Variants in PRELID2 observed in about 807,000 individuals in gnomAD.
The protein encoded by PRELID2 is PRELI domain-containing protein 2.
PRELID2 carries 25 observed loss-of-function variants against 28.4 expected under a neutral mutation model. The ratio of observed to expected loss-of-function variants is 0.88; its 90% CI spans 0.64 to 1.23. The LOEUF (loss-of-function observed/expected upper bound fraction) is 1.23, where lower values mean the gene tolerates loss of function less well. Among genes scored for constraint, PRELID2 ranks in the 50% most tolerant of loss-of-function variants. The pLI is 0.00. For synonymous variants in PRELID2, 76 were observed against 71.6 expected, an observed-to-expected ratio of 1.06 and a Z score of -0.31; for missense variants, 201 against 214.4, an observed-to-expected ratio of 0.94 and a Z score of 0.39.
intron 1 of PRELID2, among the ~76,000 whole-genome samples, chr5:145,648,880 C>T (rs1372392189): frequency 6.6e-6 from 1 of 151,306 alleles, no homozygotes; most frequent in Non-Finnish European, 1.5e-5. Context: ...GTCTTTTATA[C>T]AGATAGTCCC....
chr5:145,816,403 T>C (rs1455861162), intron 4 of PRELID2, among the ~76,000 whole-genome samples: 1 of 152,110 alleles, frequency 6.6e-6, no homozygotes, highest in Non-Finnish European at 1.5e-5. Context: ...TTCTTGACAG[T>C]GTCCCTTGAA....
chr5:145,674,231 T>A (rs9285664), intron 1 of PRELID2, among the ~76,000 whole-genome samples: 2,268 of 152,300 alleles, frequency 0.015, 58 homozygotes, highest in African/African-American at 0.052. Context: ...TATGTATGTA[T>A]ACATGTGCCA....
At chr5:145,362,608 T>G in the PRELID2 span, among the ~76,000 whole-genome samples, 2 of 152,160 alleles carry the variant, frequency 1.3e-5, no homozygotes, top group African/African-American at 4.8e-5. Flanking sequence ...TTCACTGATC[T>G]GATGAAAATA....
chr5:145,697,995 T>A (rs6883967), intron 1 of PRELID2, among the ~76,000 whole-genome samples: 25,098 of 145,338 alleles, frequency 0.17, 2,986 homozygotes, highest in African/African-American at 0.36. Context: ...TCAAAAAAAA[T>A]ATATATATAT....
At chr5:145,590,047 C>A (rs1753207032) in intron 1 of PRELID2, among the ~76,000 whole-genome samples, 1 of 152,106 alleles carries the variant, frequency 6.6e-6, no homozygotes, top group African/African-American at 2.4e-5. Flanking sequence ...GTATGAATTG[C>A]ACTTACCAGA....
At chr5:145,283,818 T>C in the PRELID2 span, among the ~76,000 whole-genome samples, 6 of 152,318 alleles carry the variant, frequency 3.9e-5, no homozygotes, top group Admixed American at 3.3e-4. Context: ...ATTTAGATGT[T>C]AAATTGATTT....
At chr5:145,668,829 A>C (rs1754647586) in intron 1 of PRELID2, among the ~76,000 whole-genome samples, 1 of 152,122 alleles carries the variant, frequency 6.6e-6, no homozygotes, top group African/African-American at 2.4e-5. Context: ...TTATTATCCC[A>C]TGTAACAGGA....
intron 1 of PRELID2, among the ~76,000 whole-genome samples, chr5:145,697,070 T>C (rs1438883679): frequency 1.5e-4 from 18 of 121,498 alleles, no homozygotes; most frequent in African/African-American, 3.8e-4. Context: ...TATATATATA[T>C]ATATATATAT....
chr5:145,278,120 C>T, the PRELID2 span, among the ~76,000 whole-genome samples: 4 of 152,130 alleles, frequency 2.6e-5, no homozygotes, highest in African/African-American at 9.7e-5. Flanking sequence ...CATGCTCAAA[C>T]TGAACTCATC....
intron 1 of PRELID2, among the ~76,000 whole-genome samples, chr5:145,569,818 T>C (rs1753001762): frequency 6.6e-6 from 1 of 152,194 alleles, no homozygotes; most frequent in African/African-American, 2.4e-5. Context: ...CTCCCAATGT[T>C]TTTGCTAGTT....
At chr5:145,295,662 C>A in the PRELID2 span, among the ~76,000 whole-genome samples, 4 of 152,076 alleles carry the variant, frequency 2.6e-5, no homozygotes, top group Non-Finnish European at 2.9e-5. Context: ...TCTTAAGACC[C>A]ACACACATCA....
chr5:145,764,912 C>T lies in PRELID2; in HGVS notation c.*10+19G>A. The T allele has an allele frequency of 6.3e-7, 1 of 1,585,388 alleles. No homozygotes were observed. Among genetic ancestry groups the T allele is most frequent in the East Asian group, 2.2e-5 (1 of 44,680 alleles). On this transcript the variant is annotated intron_variant, in intron 6 of 6. Transcript: ENST00000683046. ...ATATGGCTTGTGTAAATAATTCTGA[C>T]TTTGCTTTTGGTACTCACTGATGAT... is the stretch of plus-strand genomic sequence containing the variant.
At chr5:145,482,962 A>T (rs930302675) in intron 1 of PRELID2, among the ~76,000 whole-genome samples, 1 of 152,042 alleles carries the variant, frequency 6.6e-6, no homozygotes, top group Non-Finnish European at 1.5e-5. Flanking sequence ...AGCAACTGTA[A>T]ATACAGATGA....
chr5:145,411,490 T>A, the PRELID2 span, among the ~76,000 whole-genome samples: 1 of 152,230 alleles, frequency 6.6e-6, no homozygotes, highest in African/African-American at 2.4e-5. Context: ...CAAGACACAC[T>A]GATGCAACAA....
the PRELID2 span, among the ~76,000 whole-genome samples, chr5:145,438,204 T>A: frequency 6.6e-6 from 1 of 152,136 alleles, no homozygotes; most frequent in East Asian, 1.9e-4. Flanking sequence ...GAGACACTAT[T>A]TTCTTTATCC....
chr5:145,712,686 G>C (rs1755726992), intron 1 of PRELID2, among the ~76,000 whole-genome samples: 1 of 152,090 alleles, frequency 6.6e-6, no homozygotes, highest in Admixed American at 6.6e-5. Flanking sequence ...CCCATCAAGA[G>C]AGAATATAGT....
At chr5:145,272,571 C>G in the PRELID2 span, among the ~76,000 whole-genome samples, 1 of 151,964 alleles carries the variant, frequency 6.6e-6, no homozygotes, top group African/African-American at 2.4e-5. Flanking sequence ...ATTCAAATCC[C>G]CATTCTACCC....
intron 1 of PRELID2, among the ~76,000 whole-genome samples, chr5:145,528,020 C>A (rs928293277): frequency 2.0e-5 from 3 of 152,026 alleles, no homozygotes; most frequent in African/African-American, 7.2e-5. Flanking sequence ...TGTCCCATCT[C>A]CCAGCGACCA....
chr5:145,830,983 T>C (rs1224335510), intron 1 of PRELID2, among the ~76,000 whole-genome samples: 3 of 152,226 alleles, frequency 2.0e-5, no homozygotes, highest in South Asian at 4.1e-4. Context: ...CATACCATTG[T>C]GCAAAATCAG....
Sources: allele counts gnomAD v4.1 joint callset (sites outside exome capture counted in the v4.1 genomes callset), GRCh38; gene constraint gnomAD v4.1.1; transcripts MANE v1.5; gene names NCBI Gene and HGNC (gene_info 2026-07-23, HGNC 2026-07-21).